SKIC3: variants seen among roughly 807,000 people sequenced by gnomAD.
SKIC3 encodes the protein SKI3 subunit of superkiller complex, also known as superkiller complex protein 3.
At chr5:95,515,299 C>G in the SKIC3 span, among the ~76,000 whole-genome samples, 1 of 152,114 alleles carries the variant, frequency 6.6e-6, no homozygotes, top group Non-Finnish European at 1.5e-5. Context: ...GAACTCACAA[C>G]CAATGAAGTC....
chr5:95,523,577 G>C, the SKIC3 span: 1 of 1,481,714 alleles, frequency 6.7e-7, no homozygotes, highest in African/African-American at 1.4e-5. Context: ...TAACTTTCAA[G>C]TATACATATA....
chr5:95,518,094 CT>C, the SKIC3 span, among the ~76,000 whole-genome samples: 1 of 152,006 alleles, frequency 6.6e-6, no homozygotes, highest in Non-Finnish European at 1.5e-5. Context: ...CCATGGTATT[CT>C]GTTATGGCAG....
chr5:95,498,704 C>T, the SKIC3 span: 1 of 948,382 alleles, frequency 1.1e-6, no homozygotes, highest in African/African-American at 1.7e-5. Flanking sequence ...CGGCTCACTG[C>T]AAGCTCCGCC....
the SKIC3 span, chr5:95,530,169 CT>C: frequency 4.3e-6 from 7 of 1,613,536 alleles, no homozygotes; most frequent in Non-Finnish European, 5.9e-6. Flanking sequence ...GCCTGGACCA[CT>C]TTTTGAATCC....
At chr5:95,523,419 A>C in the SKIC3 span, 2 of 1,403,926 alleles carry the variant, frequency 1.4e-6, no homozygotes, top group Non-Finnish European at 1.9e-6. Flanking sequence ...TTCATTTCTC[A>C]CTTCTGATTT....
the SKIC3 span, among the ~76,000 whole-genome samples, chr5:95,501,646 C>T: frequency 3.3e-5 from 5 of 151,638 alleles, no homozygotes; most frequent in African/African-American, 1.2e-4. Context: ...CAACATAAAA[C>T]ATCGGGGTAA....
the SKIC3 span, among the ~76,000 whole-genome samples, chr5:95,504,320 A>G: frequency 1.3e-5 from 2 of 149,786 alleles, no homozygotes; most frequent in Non-Finnish European, 2.9e-5. Context: ...TGGGCAAGAC[A>G]GAACAAGACT....
the SKIC3 span, chr5:95,516,839 T>C: frequency 6.4e-7 from 1 of 1,564,944 alleles, no homozygotes; most frequent in African/African-American, 1.4e-5. Context: ...GAAAACACTA[T>C]TTACTTCATC....
chr5:95,516,494 G>C, the SKIC3 span: 1 of 1,612,934 alleles, frequency 6.2e-7, no homozygotes, highest in Non-Finnish European at 8.5e-7. Flanking sequence ...AAATTTTGAA[G>C]TTCTTTTTCA....
the SKIC3 span, among the ~76,000 whole-genome samples, chr5:95,502,088 A>T: frequency 2.0e-5 from 3 of 152,180 alleles, no homozygotes; most frequent in Non-Finnish European, 4.4e-5. Flanking sequence ...GTTCTCAACC[A>T]GTACCATCTA....
the SKIC3 span, chr5:95,512,388 T>C: frequency 1.4e-6 from 2 of 1,456,520 alleles, no homozygotes; most frequent in African/African-American, 1.4e-5. Context: ...AATACCAATA[T>C]TTAATTTGAC....
At chr5:95,500,081 C>T in the SKIC3 span, among the ~76,000 whole-genome samples, 5 of 151,816 alleles carry the variant, frequency 3.3e-5, no homozygotes, top group African/African-American at 1.2e-4. Flanking sequence ...ATGTTGTACC[C>T]ATAAATTCTA....
At chr5:95,520,847 T>C in the SKIC3 span, 120 of 1,469,948 alleles carry the variant, frequency 8.2e-5, 2 homozygotes, top group South Asian at 1.3e-3. Flanking sequence ...GTCACTGTTA[T>C]TAAAACATAT....
chr5:95,536,532 T>G, the SKIC3 span: 6 of 372,682 alleles, frequency 1.6e-5, no homozygotes, highest in Admixed American at 4.4e-5. Context: ...CCTGTTTACC[T>G]AGTTTCTATA....
At chr5:95,549,211 G>A in the SKIC3 span, among the ~76,000 whole-genome samples, 2 of 151,892 alleles carry the variant, frequency 1.3e-5, no homozygotes, top group Non-Finnish European at 2.9e-5. Context: ...GCTCTACTCA[G>A]AGGCAAATGC....
chr5:95,535,552 C>G, the SKIC3 span, among the ~76,000 whole-genome samples: 3 of 151,822 alleles, frequency 2.0e-5, no homozygotes, highest in Admixed American at 6.6e-5. Context: ...CCTCGTGATC[C>G]GCCTGCCTCG....
At chr5:95,520,597 T>G in the SKIC3 span, 4 of 785,594 alleles carry the variant, frequency 5.1e-6, no homozygotes, top group African/African-American at 7.1e-5. Context: ...TCTGTTATTC[T>G]TTATGTTTGA....
At chr5:95,512,738 C>A in the SKIC3 span, 1 of 1,179,996 alleles carries the variant, frequency 8.5e-7, no homozygotes, top group Non-Finnish European at 1.2e-6. Flanking sequence ...TTCTTTAAGT[C>A]AATTGTTAAA....
At chr5:95,519,156 T>A in the SKIC3 span, among the ~76,000 whole-genome samples, 1 of 150,972 alleles carries the variant, frequency 6.6e-6, no homozygotes, top group East Asian at 1.9e-4. Context: ...GCAGACTGAA[T>A]GAACAAGCTC....
Sources: gnomAD v4.1 joint callset for allele counts (sites outside exome capture counted in the v4.1 genomes callset) on GRCh38, gnomAD v4.1.1 for gene constraint, MANE v1.5 for transcripts, NCBI Gene and HGNC (gene_info 2026-07-23, HGNC 2026-07-21) for gene names.